Variants in DAPK2 observed in about 807,000 individuals in gnomAD.
The protein encoded by DAPK2 is death-associated protein kinase 2.
Under a neutral mutation model 44.1 loss-of-function variants are expected in DAPK2, and 35 were observed. The observed-to-expected ratio is 0.79, with a 90% CI of 0.61 to 1.05. The LOEUF (loss-of-function observed/expected upper bound fraction) is 1.05. Ranked by LOEUF, DAPK2 falls within the 50% of genes least tolerant of loss-of-function variation. DAPK2 has a pLI of 0.00. For synonymous variants in DAPK2, 174 were observed against 182.6 expected (o/e 0.95, Z 0.38); for missense variants, 453 against 483.2 (o/e 0.94, Z 0.59).
At chr15:64,000,190 CA>C (rs1567264416) in intron 1 of DAPK2, among the ~76,000 whole-genome samples, 961 of 57,610 alleles carry the variant, frequency 0.017, 10 homozygotes, top group African/African-American at 0.031. Context: ...TACTACTACA[CA>C]CACACACACA....
chr15:63,975,103 T>G (rs912021640), intron 2 of DAPK2, among the ~76,000 whole-genome samples: 1 of 152,098 alleles, frequency 6.6e-6, no homozygotes, highest in African/African-American at 2.4e-5. Flanking sequence ...TAATTTTTGG[T>G]TTACAATCCT....
chr15:63,994,529 T>C (rs111448950), intron 1 of DAPK2, among the ~76,000 whole-genome samples: 360 of 152,096 alleles, frequency 2.4e-3, no homozygotes, highest in African/African-American at 8.2e-3. Flanking sequence ...TAACCATCGT[T>C]ATCATCTTGG....
Position 64,029,761 on chromosome 15 carries a change from A to ACACACACATC in DAPK2, c.92+10399_92+10408dup, listed in dbSNP as rs1288309230. On this transcript the variant is annotated intron_variant, in intron 1 of 10. Transcript: ENST00000261891. Reference sequence around the variant, plus strand: ...TGCACATACTCATAAGCTCCTTCACACACACACATCCACACACACCCACTT... The same window carrying ACACACACATC: ...TGCACATACTCATAAGCTCCTTCACACACACACATCCACACACATCCACACACACCCACTT... The ACACACACATC allele has an allele frequency of 2.6e-5, 4 of 152,486 alleles. No individual in the cohort carries two copies. The East Asian group carries it at 7.7e-4, about 29-fold the overall frequency. The allele number at this position is 152,486 out of a possible 1,614,324, so 9.4% of individuals were successfully genotyped here.
At chr15:64,028,713 T>C (rs2079924869) in intron 1 of DAPK2, among the ~76,000 whole-genome samples, 1 of 152,106 alleles carries the variant, frequency 6.6e-6, no homozygotes. Context: ...CTGCAACCTA[T>C]TCTCAAATGG....
intron 1 of DAPK2, among the ~76,000 whole-genome samples, chr15:64,010,850 A>G (rs2079371966): frequency 6.6e-6 from 1 of 152,118 alleles, no homozygotes; most frequent in Non-Finnish European, 1.5e-5. Context: ...AGCTTCCTGT[A>G]ATCTTGTTTA....
chr15:63,961,696 T>C (rs2077905204), intron 3 of DAPK2, among the ~76,000 whole-genome samples: 1 of 152,276 alleles, frequency 6.6e-6, no homozygotes, highest in African/African-American at 2.4e-5. Flanking sequence ...TTGTAGGGTT[T>C]CTGCCGAGAG....
intron 1 of DAPK2, among the ~76,000 whole-genome samples, chr15:64,018,098 C>G (rs1345194349): frequency 6.6e-6 from 1 of 152,140 alleles, no homozygotes; most frequent in Non-Finnish European, 1.5e-5. Flanking sequence ...TTGGCCTCTC[C>G]CCCAAAACAT....
At chr15:63,925,946 C>G in exon 7 of DAPK2, 1 of 1,614,154 alleles carries the variant, frequency 6.2e-7, no homozygotes, top group Non-Finnish European at 8.5e-7. Flanking sequence ...CTTACCGGGT[C>G]TCTTTAACCA....
At chr15:63,934,636 C>T (rs2077086159) in intron 4 of DAPK2, among the ~76,000 whole-genome samples, 1 of 152,142 alleles carries the variant, frequency 6.6e-6, no homozygotes, top group South Asian at 2.1e-4. Flanking sequence ...CAGCTCTGTG[C>T]AACCTCCGCC....
chr15:64,032,593 T>C (rs1009047465), intron 1 of DAPK2, among the ~76,000 whole-genome samples: 3 of 152,154 alleles, frequency 2.0e-5, no homozygotes, highest in Admixed American at 6.5e-5. Context: ...GCCACAGTAG[T>C]TGCAAAGAGC....
At chr15:63,921,561 G>A (rs1015337612) in intron 8 of DAPK2, 5 of 152,260 alleles carry the variant, frequency 3.3e-5, no homozygotes, top group Admixed American at 6.5e-5. Flanking sequence ...AAAGGGAGAT[G>A]AGATCTTATA....
chr15:63,939,772 C>T lies in DAPK2; in HGVS notation c.454-411G>A, dbSNP rs930610075. 1.3e-5 allele frequency among the ~76,000 whole-genome samples: 2 copies of T among 152,206 alleles called. No individual in the cohort carries two copies. Among genetic ancestry groups the T allele is most frequent in the Admixed American group, 6.5e-5 (1 of 15,290 alleles). On this transcript the variant is annotated intron_variant, in intron 3 of 10. Coordinates refer to ENST00000261891, the Ensembl canonical transcript of DAPK2. The surrounding 1 kb of genome is among the most constrained non-coding windows in gnomAD (Gnocchi z 4.3). ...GTGGGTGTGAAAGGGACGGGGACATCCCAGCTTAGCCTCTGTTTATACTTG... is the reference window on the plus strand; with the variant it reads ...GTGGGTGTGAAAGGGACGGGGACATTCCAGCTTAGCCTCTGTTTATACTTG...
At chr15:63,986,793 T>C (rs965980199) in intron 1 of DAPK2, among the ~76,000 whole-genome samples, 3 of 152,220 alleles carry the variant, frequency 2.0e-5, no homozygotes, top group African/African-American at 7.2e-5. Flanking sequence ...TCTGATCTCC[T>C]GGGTCTGGGC....
In DAPK2 at chr15:63,923,146, G is replaced by GGC; in HGVS notation, c.858+1668_858+1669dup. On this transcript the variant is annotated intron_variant, in intron 8 of 10. Transcript: ENST00000261891. The surrounding 1 kb of genome is among the most constrained non-coding windows in gnomAD (Gnocchi z 4.2). ...CCACATCGTCCTGGATGGTATCGTG[G>GGC]GCCTCCACCAGGGCACGGCATCCCA... 6.5e-7 allele frequency: 1 copy of GGC among 1,535,760 alleles called. No individual in the cohort carries two copies. The highest frequency in any genetic ancestry group is 8.7e-7 in the Non-Finnish European group (1 of 1,146,714).
intron 2 of DAPK2, 97 bp from the exon 4 acceptor site, chr15:63,971,658 C>G: frequency 7.6e-7 from 1 of 1,322,594 alleles, no homozygotes; most frequent in Non-Finnish European, 1.0e-6. Context: ...TCCTGACCCC[C>G]CAGGGACCTT....
chr15:63,965,201 T>C (rs1229415666), intron 3 of DAPK2, among the ~76,000 whole-genome samples: 1 of 152,250 alleles, frequency 6.6e-6, no homozygotes, highest in African/African-American at 2.4e-5. Flanking sequence ...CTGTGGTTCT[T>C]GCAGACTTGT....
At chr15:64,034,346 G>C (rs977766650) in intron 1 of DAPK2, among the ~76,000 whole-genome samples, 8 of 152,212 alleles carry the variant, frequency 5.3e-5, no homozygotes, top group African/African-American at 1.4e-4. Flanking sequence ...ACTCCAGTCT[G>C]TCTACCCCCT....
At chr15:63,968,431 C>G in intron 3 of DAPK2, among the ~76,000 whole-genome samples, 1 of 152,174 alleles carries the variant, frequency 6.6e-6, no homozygotes, top group Non-Finnish European at 1.5e-5. Context: ...AGGTTAGCCC[C>G]GGAGCCTCAC....
chr15:63,952,374 G>C (rs1307517644), intron 3 of DAPK2, among the ~76,000 whole-genome samples: 1 of 152,214 alleles, frequency 6.6e-6, no homozygotes, highest in East Asian at 1.9e-4. Flanking sequence ...GGCCTTGAGT[G>C]ATTAGCAGGA....
Sources: allele counts gnomAD v4.1 joint callset (sites outside exome capture counted in the v4.1 genomes callset), GRCh38; gene constraint gnomAD v4.1.1; non-coding constraint Gnocchi (gnomAD v3.1); transcripts MANE v1.5; gene names NCBI Gene and HGNC (gene_info 2026-07-23, HGNC 2026-07-21).